TMCO4: variants seen among roughly 807,000 people sequenced by gnomAD.
TMCO4 encodes the protein transmembrane and coiled-coil domains 4.
Under a neutral mutation model 64.7 loss-of-function variants are expected in TMCO4, and 58 were observed. The observed-to-expected ratio is 0.90, with a 90% CI of 0.73 to 1.12. The LOEUF is 1.12. TMCO4 is among the 50% of genes most tolerant of loss of function. TMCO4 has a pLI of 0.00. For synonymous variants in TMCO4, 325 were observed against 346.1 expected (o/e 0.94, Z 0.68); for missense variants, 780 against 825.9 (o/e 0.94, Z 0.68).
intron 2 of TMCO4, among the ~76,000 whole-genome samples, chr1:19,796,299 G>T (rs904160492): frequency 2.6e-5 from 4 of 152,176 alleles, no homozygotes; most frequent in Non-Finnish European, 5.9e-5. Flanking sequence ...AAGGTGGGGG[G>T]TCAGGGGTTG....
chr1:19,781,855 C>T (rs1017572093), intron 3 of TMCO4, among the ~76,000 whole-genome samples: 2 of 152,106 alleles, frequency 1.3e-5, no homozygotes, highest in South Asian at 4.1e-4. Context: ...ACTGTGTTAG[C>T]CAGGATGGTC....
At chr1:19,712,619 C>CAA (rs35058157) in intron 13 of TMCO4, among the ~76,000 whole-genome samples, 138 of 91,500 alleles carry the variant, frequency 1.5e-3, no homozygotes, top group Middle Eastern at 5.9e-3. Context: ...GACTCCGTCT[C>CAA]AAAAAAAAAA....
intron 14 of TMCO4, among the ~76,000 whole-genome samples, chr1:19,699,985 GTGTGCTTCCAAATCA>G (rs2095261105): frequency 6.6e-6 from 1 of 152,192 alleles, no homozygotes; most frequent in Non-Finnish European, 1.5e-5. Flanking sequence ...ACCCAGGCCT[GTGTGCTTCCAAATCA>G]AGAGCCTTAA....
At chr1:19,745,310 G>A (rs2041720404) in intron 10 of TMCO4, among the ~76,000 whole-genome samples, 1 of 151,846 alleles carries the variant, frequency 6.6e-6, no homozygotes, top group East Asian at 1.9e-4. Context: ...GTAGGTGGAT[G>A]GGTGGATGGA....
chr1:19,718,644 G>A (rs551332541), intron 13 of TMCO4, among the ~76,000 whole-genome samples: 1 of 7,434 alleles, frequency 1.3e-4, no homozygotes, highest in East Asian at 4.2e-3. Context: ...GAATGAGACC[G>A]TCTCTCAAAA....
intron 7 of TMCO4, among the ~76,000 whole-genome samples, chr1:19,753,011 GT>G (rs1335207277): frequency 6.6e-6 from 1 of 151,686 alleles, no homozygotes; most frequent in Non-Finnish European, 1.5e-5. Context: ...CCAGGCTGGA[GT>G]GCAATGGCAT....
intron 2 of TMCO4, 119 bp from the exon 3 acceptor site, chr1:19,787,236 G>C (rs532421167): frequency 6.6e-6 from 1 of 152,312 alleles, no homozygotes; most frequent in African/African-American, 2.4e-5. Context: ...GCACTGCACC[G>C]TCGCTCCCCT....
At chr1:19,780,502 C>T (rs1370671688) in intron 4 of TMCO4, 78 bp downstream of exon 4, 7 of 1,496,200 alleles carry the variant, frequency 4.7e-6, no homozygotes, top group Middle Eastern at 1.8e-4. Flanking sequence ...CCTCATCGTG[C>T]CTGGCAGGCT....
At chr1:19,756,327 G>A (rs1004520466) in intron 6 of TMCO4, among the ~76,000 whole-genome samples, 4 of 152,162 alleles carry the variant, frequency 2.6e-5, no homozygotes, top group African/African-American at 9.7e-5. Flanking sequence ...CAGCTGTGAA[G>A]GAGATGATAA....
At chr1:19,790,577 T>C (rs751017418) in intron 2 of TMCO4, among the ~76,000 whole-genome samples, 1 of 152,054 alleles carries the variant, frequency 6.6e-6, no homozygotes, top group Non-Finnish European at 1.5e-5. Flanking sequence ...TCACTGATCA[T>C]TAGAGACATG....
At chr1:19,700,634 G>T (rs568597181) in intron 14 of TMCO4, 134 bp downstream of exon 14, 3 of 842,126 alleles carry the variant, frequency 3.6e-6, no homozygotes, top group African/African-American at 1.7e-5. Context: ...TAACAGGGCC[G>T]GTGCCCGGCC....
At chr1:19,704,766 C>T (rs563281170) in intron 13 of TMCO4, among the ~76,000 whole-genome samples, 1 of 152,168 alleles carries the variant, frequency 6.6e-6, no homozygotes, top group South Asian at 2.1e-4. Context: ...CAGTCAGGAT[C>T]CACGGACAGC....
intron 10 of TMCO4, among the ~76,000 whole-genome samples, chr1:19,742,824 G>A (rs2095485725): frequency 6.6e-6 from 1 of 152,162 alleles, no homozygotes; most frequent in South Asian, 2.1e-4. Context: ...GGCCGAGGCG[G>A]GTGGATCATG....
Position 19,743,420 on chromosome 1 carries a change from GTGA to G in TMCO4, c.877+2109_877+2111del, listed in dbSNP as rs2041619185. ...CCTATCACATGGAAAAAGCAATCAG[GTGA>G]TGATAAGGCTTCTTTTCCTGGCTCT... On this transcript the variant is annotated intron_variant, in intron 10 of 15. Coordinates refer to ENST00000294543, the MANE Select transcript of TMCO4 (RefSeq NM_181719.7). This position sits in a 1 kb window ranked among gnomAD's most constrained non-coding sequence, Gnocchi z 4.1. Among the ~76,000 whole-genome samples the G allele has an allele frequency of 6.6e-6, 1 of 152,194 alleles. No homozygotes were observed. Among genetic ancestry groups the G allele is most frequent in the Non-Finnish European group, 1.5e-5 (1 of 68,038 alleles).
In TMCO4 at chr1:19,694,460, C is replaced by T. The variant is rs757126402; in HGVS notation, c.1474G>A (p.Val492Met). 9.3e-6 allele frequency: 15 copies of T among 1,614,132 alleles called. No homozygotes were observed. The highest frequency in any genetic ancestry group is 1.3e-5 in the Non-Finnish European group (15 of 1,179,962). Residue 492 changes from valine to methionine, a missense_variant, in exon 15 of 16, where the codon GTG becomes ATG. Coordinates refer to ENST00000294543, the MANE Select transcript of TMCO4 (RefSeq NM_181719.7). Reference protein sequence around the residue: ...LQPVLLQDRRVENVDLTSVVS... With the variant: ...LQPVLLQDRRMENVDLTSVVS... The stretch of plus-strand genomic sequence containing the variant: ...ACAGAGGTCAGGTCCACGTTCTCCA[C>T]CCTCCTGTCCTGCAGCAGCACGGGC...
At chr1:19,772,859 C>T (rs149472237) in intron 4 of TMCO4, among the ~76,000 whole-genome samples, 2 of 152,140 alleles carry the variant, frequency 1.3e-5, no homozygotes, top group African/African-American at 4.8e-5. Flanking sequence ...AGAGTGGGAC[C>T]GAGACCTTGA....
rs1005143704 is a variant in TMCO4, at chr1:19,794,235, C to T, written c.-101+3902G>A. Among the ~76,000 whole-genome samples the T allele has an allele frequency of 5.9e-5, 9 of 152,310 alleles. 1 individual carries two copies. In the South Asian group the frequency reaches 1.0e-3, roughly 18 times the overall value. Reference sequence around the variant, plus strand: ...CTTCTGTCTGTGCTCAAATCTCACACTTCAGTGCAGCCACCCTACCCACTG... The same window carrying T: ...CTTCTGTCTGTGCTCAAATCTCACATTTCAGTGCAGCCACCCTACCCACTG... On this transcript the variant is annotated intron_variant, in intron 2 of 15. Transcript: ENST00000294543.
chr1:19,745,240 G>A (rs572917727), intron 10 of TMCO4, among the ~76,000 whole-genome samples: 56 of 137,946 alleles, frequency 4.1e-4, no homozygotes, highest in South Asian at 9.7e-4. Context: ...AAGTGGGTGG[G>A]TAGATGGATG....
At chr1:19,798,844 AG>A (rs2044462902) in intron 1 of TMCO4, among the ~76,000 whole-genome samples, 1 of 152,248 alleles carries the variant, frequency 6.6e-6, no homozygotes, top group Non-Finnish European at 1.5e-5. Flanking sequence ...CAATGCACAC[AG>A]TAGGTGCTCA....
Sources: allele counts gnomAD v4.1 joint callset (sites outside exome capture counted in the v4.1 genomes callset), GRCh38; gene constraint gnomAD v4.1.1; non-coding constraint Gnocchi (gnomAD v3.1); transcripts MANE v1.5; gene names NCBI Gene and HGNC (gene_info 2026-07-23, HGNC 2026-07-21).